Variants in DTX2 observed in about 807,000 individuals in gnomAD.
The protein encoded by DTX2 is deltex E3 ubiquitin ligase 2.
A neutral mutation model predicts 55.3 loss-of-function variants in DTX2; 29 were observed. The ratio of observed to expected loss-of-function variants is 0.52; its 90% CI spans 0.39 to 0.71. The LOEUF is 0.71. Ranked by LOEUF, DTX2 falls within the 30% of genes least tolerant of loss-of-function variation. The probability of loss-of-function intolerance (pLI) is 0.00; values close to 1 mark genes in which losing one functional copy is unlikely to be tolerated. For missense variants in DTX2, 537 were observed against 822.5 expected, an observed-to-expected ratio of 0.65 and a Z score of 4.25; for synonymous variants, 276 against 340.4, an observed-to-expected ratio of 0.81 and a Z score of 2.08.
Position 76,505,209 on chromosome 7 carries a change from T to TG in DTX2, c.1642-162dup, listed in dbSNP as rs1216683354. On this transcript the variant is annotated intron_variant, in intron 10 of 10. Coordinates refer to ENST00000430490, the MANE Select transcript of DTX2 (RefSeq NM_001102594.3). The surrounding 1 kb of genome is among the most constrained non-coding windows in gnomAD (Gnocchi z 4.4). Reference sequence around the variant, plus strand: ...TGTGGGATCCTAATGTACTATCCAGTGGGCAGTTTTGGGGTCCCTGCAGAT... The same window carrying TG: ...TGTGGGATCCTAATGTACTATCCAGTGGGGCAGTTTTGGGGTCCCTGCAGAT... Among the ~76,000 whole-genome samples, 2 of 151,928 alleles carry TG rather than the reference T, an allele frequency of 1.3e-5. No individual in the cohort carries two copies. The highest frequency in any genetic ancestry group is 2.9e-5 in the Non-Finnish European group (2 of 67,906).
chr7:76,483,870 A>G (rs1211792942), intron 4 of DTX2, among the ~76,000 whole-genome samples: 1 of 151,958 alleles, frequency 6.6e-6, no homozygotes, highest in Non-Finnish European at 1.5e-5. Context: ...CCTGAGCAAC[A>G]TAGCGAGACC....
chr7:76,467,282 G>A (rs1427751076), intron 2 of DTX2, among the ~76,000 whole-genome samples: 1 of 124,800 alleles, frequency 8.0e-6, no homozygotes, highest in Non-Finnish European at 1.7e-5. Flanking sequence ...AGTGTCCTGT[G>A]TCTTGCAGCT....
intron 6 of DTX2, among the ~76,000 whole-genome samples, chr7:76,498,105 T>C (rs1293614101): frequency 2.0e-5 from 3 of 152,368 alleles, no homozygotes; most frequent in African/African-American, 7.2e-5. Context: ...AAGTGTGGAC[T>C]GTGGCCAGTC....
Position 76,483,023 on chromosome 7 carries a change from A to T in DTX2, c.784A>T (p.Asn262Tyr). The change falls in exon 4 of 11, where the codon AAC becomes TAC. Residue 262 changes from asparagine (N) to tyrosine (Y), a missense_variant. By Grantham distance (143) the Asn-to-Tyr change is moderately radical. Transcript: ENST00000430490. ...LSGARSAPRL[N>Y]TTNAWGAAPP... Reference sequence around the variant, plus strand: ...CGGGGCCCGGTCTGCGCCCAGGCTGAACACCACCAACGCCTGGGGCGCAGC... The same window carrying T: ...CGGGGCCCGGTCTGCGCCCAGGCTGTACACCACCAACGCCTGGGGCGCAGC... The T allele has an allele frequency of 2.5e-6, 4 of 1,613,456 alleles. No homozygotes were observed. The highest frequency in any genetic ancestry group is 3.4e-6 in the Non-Finnish European group (4 of 1,179,704).
intron 2 of DTX2, among the ~76,000 whole-genome samples, chr7:76,476,772 G>A (rs762826288): frequency 3.3e-5 from 5 of 151,748 alleles, no homozygotes; most frequent in African/African-American, 4.8e-5. Flanking sequence ...CAAAGGTGGC[G>A]GGCTTGGTGT....
In DTX2 at chr7:76,482,588, G is replaced by A. The variant is rs777578252; in HGVS notation, c.349G>A (p.Asp117Asn). The A allele has an allele frequency of 9.9e-6, 16 of 1,613,562 alleles. No individual in the cohort carries two copies. The highest frequency in any genetic ancestry group is 3.3e-5 in the Admixed American group (2 of 59,988). Residue 117 changes from aspartate (D) to asparagine (N), a missense_variant, in exon 4 of 11, where the codon GAC (aspartate) becomes AAC (asparagine). Physicochemically the swap from Asp to Asn is conservative, Grantham distance 23. Coordinates refer to ENST00000430490, the MANE Select transcript of DTX2 (RefSeq NM_001102594.3). ...GRGVVWEWLS[D>N]DGSWTAYEAS... ...AGGTGTCGTCTGGGAGTGGCTGAGC[G>A]ACGATGGCTCCTGGACTGCCTATGA...
chr7:76,502,635 G>T (rs1322122720), intron 8 of DTX2, among the ~76,000 whole-genome samples, 179 bp downstream of exon 8: 1 of 152,142 alleles, frequency 6.6e-6, no homozygotes, highest in Non-Finnish European at 1.5e-5. Context: ...TCCTAGGCCT[G>T]CCCTACTCTT....
rs779129877 is a variant in DTX2 at position 76,480,554 on chromosome 7, C to T, written c.45C>T (p.Ser15=). The T allele has an allele frequency of 1.2e-6, 2 of 1,612,064 alleles. No individual in the cohort carries two copies. The highest frequency in any genetic ancestry group is 1.7e-6 in the Non-Finnish European group (2 of 1,179,882). The change falls in exon 3 of 11, where the codon AGC becomes AGT. Residue 15 remains serine, a synonymous_variant. Coordinates refer to ENST00000430490, the MANE Select transcript of DTX2 (RefSeq NM_001102594.3). ...CTTCCCTGGTGCAGGTGTACACCAG[C>T]CCCGCGGCTGTGGCCGTGTGGGAAT... ...PSPSLVQVYT[S]PAAVAVWEWQ...
At position 76,475,916 on chromosome 7, in the gene DTX2, C is replaced by T. The variant is rs373066661; in HGVS notation, c.-89-4505C>T. Among the ~76,000 whole-genome samples the T allele has an allele frequency of 1.7e-4, 7 of 42,280 alleles. No individual in the cohort carries two copies. The East Asian group carries it at 3.8e-3, about 23-fold the overall frequency. The allele number at this position is 42,280 out of a possible 152,430, so 27.7% of individuals were successfully genotyped here. On this transcript the variant is annotated intron_variant, in intron 2 of 10. Transcript: ENST00000430490. ...TCCTGAGTAGCTGATACTACAGGCA[C>T]GCACCACCACAAATGGCTAATTTTT...
Position 76,505,572 on chromosome 7 carries a change from G to T in DTX2, c.1840G>T (p.Val614Leu), listed in dbSNP as rs1381195259. The change falls in exon 11 of 11, where the codon GTG becomes TTG. Residue 614 changes from valine to leucine, a missense_variant. This residue lies in a region of DTX2 where 59 missense variants were observed against 54.1 expected (regional missense o/e 1.09). Coordinates refer to ENST00000430490, the MANE Select transcript of DTX2 (RefSeq NM_001102594.3). This position sits in a 1 kb window ranked among gnomAD's most constrained non-coding sequence, Gnocchi z 4.4. ...GCTGGCTGAGCTGGCTGCCCAGGGGGTGACCGAGGACTGCCTGGAGCAGCA... is the reference window on the plus strand; with the variant it reads ...GCTGGCTGAGCTGGCTGCCCAGGGGTTGACCGAGGACTGCCTGGAGCAGCA... ...NVLAELAAQG[V>L]TEDCLEQQ 6.3e-7 allele frequency: 1 copy of T among 1,590,876 alleles called. No individual in the cohort carries two copies.
chr7:76,483,054 C>T lies in DTX2; in HGVS notation c.815C>T (p.Pro272Leu), dbSNP rs968675104. ...ACCAACGCCTGGGGCGCAGCTCCTCCTTCCCTGGGGAGCCAGCCCCTCTAC... is the reference window on the plus strand; with the variant it reads ...ACCAACGCCTGGGGCGCAGCTCCTCTTTCCCTGGGGAGCCAGCCCCTCTAC... The part of the protein sequence containing the change: ...NTTNAWGAAP[P>L]SLGSQPLYRS... Residue 272 changes from proline (P) to leucine (L), a missense_variant, in exon 4 of 11, where the codon CCT becomes CTT. Physicochemically the swap from Pro to Leu is moderately conservative, Grantham distance 98 (BLOSUM62 -3). Around this residue, in one of 7 missense-constraint regions of DTX2, gnomAD observed 301 missense variants for 396.6 expected, o/e 0.76. Transcript: ENST00000430490. 1.8e-5 allele frequency: 29 copies of T among 1,613,234 alleles called. No homozygotes were observed. The highest frequency in any genetic ancestry group is 2.2e-5 in the Non-Finnish European group (26 of 1,179,738).
In DTX2 at chr7:76,494,207, G is replaced by A. The variant is rs1342966301; in HGVS notation, c.1009+1954G>A. On this transcript the variant is annotated intron_variant, in intron 5 of 10. Transcript: ENST00000430490. ...TGGGAGCGTGTGTGCCACAGAGACC[G>A]TGGGCAGGACTGAAGAGAAAATGAA... Among the ~76,000 whole-genome samples, 42 of 84,164 alleles carry A rather than the reference G, an allele frequency of 5.0e-4. 13 individuals carry two copies. The highest frequency in any genetic ancestry group is 2.2e-3 in the African/African-American group (38 of 16,946). The allele number at this position is 84,164 out of a possible 152,430, so 55.2% of individuals were successfully genotyped here. A position where few individuals can be genotyped will look rare whatever the true frequency, so the allele number is the denominator to read the frequency against.
At chr7:76,490,332 C>G (rs1464506667) in intron 4 of DTX2, among the ~76,000 whole-genome samples, 1 of 84,836 alleles carries the variant, frequency 1.2e-5, no homozygotes, top group Admixed American at 1.1e-4. Context: ...CCCCTCACCC[C>G]CCCAAAAAAA....
Position 76,480,569 on chromosome 7 carries a change from C to A in DTX2, c.60C>A (p.Ala20=). Residue 20 remains alanine (A), a synonymous_variant, in exon 3 of 11, where the codon GCC becomes GCA. Coordinates refer to ENST00000430490, the MANE Select transcript of DTX2 (RefSeq NM_001102594.3). ...VQVYTSPAAV[A]VWEWQDGLGT... The stretch of plus-strand genomic sequence containing the variant: ...TGTACACCAGCCCCGCGGCTGTGGC[C>A]GTGTGGGAATGGCAGGACGGGCTGG... 16 of 1,612,744 alleles carry A rather than the reference C, an allele frequency of 9.9e-6. No individual in the cohort carries two copies. The highest frequency in any genetic ancestry group is 1.4e-5 in the Non-Finnish European group (16 of 1,179,984).
chr7:76,468,087 G>A (rs1210023945), intron 2 of DTX2, among the ~76,000 whole-genome samples: 169 of 152,352 alleles, frequency 1.1e-3, no homozygotes, highest in Middle Eastern at 3.4e-3. Flanking sequence ...GGGGAGGAGG[G>A]GAGAGGGAGG....
intron 2 of DTX2, among the ~76,000 whole-genome samples, chr7:76,479,754 CAA>C (rs1451202469): frequency 1.3e-5 from 2 of 150,996 alleles, no homozygotes; most frequent in African/African-American, 2.5e-5. Context: ...GCCTGGGTGA[CAA>C]GAGGGAAACT....
intron 2 of DTX2, among the ~76,000 whole-genome samples, chr7:76,475,310 TCAAAAA>T (rs1160180302): frequency 1.3e-5 from 2 of 151,200 alleles, no homozygotes; most frequent in African/African-American, 2.4e-5. Context: ...AAACTCTGTC[TCAAAAA>T]CAAAAACAAA....
rs1442065053 is a variant in DTX2, at chr7:76,505,563, G to T, written c.1831G>T (p.Ala611Ser). The T allele has an allele frequency of 6.3e-7, 1 of 1,599,576 alleles. No individual in the cohort carries two copies. Among genetic ancestry groups the T allele is most frequent in the Non-Finnish European group, 8.5e-7 (1 of 1,174,852 alleles). ...YLQNVLAELAAQGVTEDCLEQ... is the reference protein window; with the variant it reads ...YLQNVLAELASQGVTEDCLEQ... ...GCAGAACGTGCTGGCTGAGCTGGCTGCCCAGGGGGTGACCGAGGACTGCCT... is the reference window on the plus strand; with the variant it reads ...GCAGAACGTGCTGGCTGAGCTGGCTTCCCAGGGGGTGACCGAGGACTGCCT... The change falls in exon 11 of 11, where the codon GCC becomes TCC. Residue 611 changes from alanine (A) to serine (S), a missense_variant. Ala to Ser is a moderately conservative substitution (Grantham distance 99, BLOSUM62 1). Transcript: ENST00000430490. The surrounding 1 kb of genome is among the most constrained non-coding windows in gnomAD (Gnocchi z 4.4).
At chr7:76,473,955 CTT>C (rs1360267047) in intron 2 of DTX2, among the ~76,000 whole-genome samples, 1 of 111,854 alleles carries the variant, frequency 8.9e-6, no homozygotes, top group African/African-American at 3.4e-5. Context: ...GAGTTTCACT[CTT>C]ATTGCCCAGG....
Sources: allele counts gnomAD v4.1 joint callset (sites outside exome capture counted in the v4.1 genomes callset), GRCh38; gene constraint gnomAD v4.1.1; regional missense constraint gnomAD v4.1.1; non-coding constraint Gnocchi (gnomAD v3.1); transcripts MANE v1.5; gene names NCBI Gene and HGNC (gene_info 2026-07-23, HGNC 2026-07-21).